TMCC1: variants seen among roughly 807,000 people sequenced by gnomAD.
The protein encoded by TMCC1 is transmembrane and coiled-coil domain family 1.
In TMCC1, 15 loss-of-function variants were observed where a neutral mutation model predicts 52.4. That is an observed-to-expected ratio of 0.29 (90% confidence interval 0.19 to 0.44). The LOEUF is 0.44. TMCC1 is among the 20% of genes least tolerant of loss of function. The pLI is 1.00. For synonymous variants in TMCC1, 279 were observed against 301.9 expected, an observed-to-expected ratio of 0.92 and a Z score of 0.79; for missense variants, 503 against 806.0, an observed-to-expected ratio of 0.62 and a Z score of 4.55.
intron 4 of TMCC1, among the ~76,000 whole-genome samples, chr3:129,738,179 G>A (rs2051138390): frequency 6.6e-6 from 1 of 151,374 alleles, no homozygotes; most frequent in Admixed American, 6.6e-5. Context: ...GCTGAGGCAG[G>A]GTAATCACTT....
intron 4 of TMCC1, among the ~76,000 whole-genome samples, chr3:129,706,210 ATTTTTAT>A (rs923923636): frequency 6.7e-5 from 10 of 149,702 alleles, no homozygotes. Context: ...TTTATTTTTT[ATTTTTAT>A]TTTTTGAGAT....
intron 4 of TMCC1, among the ~76,000 whole-genome samples, chr3:129,788,606 G>A (rs2107742462): frequency 6.6e-6 from 1 of 151,820 alleles, no homozygotes; most frequent in East Asian, 1.9e-4. Flanking sequence ...GGGACTACAG[G>A]CGCCCGCCAC....
At chr3:129,729,897 G>T (rs141047783) in intron 4 of TMCC1, among the ~76,000 whole-genome samples, 156 of 152,198 alleles carry the variant, frequency 1.0e-3, no homozygotes, top group African/African-American at 3.3e-3. Context: ...AATATTGAGC[G>T]GAGATGGGAG....
At chr3:129,786,065 G>T (rs1366502556) in intron 4 of TMCC1, among the ~76,000 whole-genome samples, 1 of 151,404 alleles carries the variant, frequency 6.6e-6, no homozygotes, top group Non-Finnish European at 1.5e-5. Flanking sequence ...CACCTGAACA[G>T]CTGGGATTAC....
intron 4 of TMCC1, among the ~76,000 whole-genome samples, chr3:129,791,687 A>C (rs779885371): frequency 2.0e-4 from 30 of 152,214 alleles, no homozygotes; most frequent in Non-Finnish European, 3.8e-4. Context: ...AGATAACTAT[A>C]AAGGAAGAAA....
chr3:129,836,454 C>G (rs970628198), intron 2 of TMCC1, among the ~76,000 whole-genome samples: 1 of 152,206 alleles, frequency 6.6e-6, no homozygotes, highest in South Asian at 2.1e-4. Flanking sequence ...TATGTTGAAC[C>G]CTAAGGCAAG....
intron 2 of TMCC1, among the ~76,000 whole-genome samples, chr3:129,841,344 T>C (rs1461354667): frequency 6.6e-6 from 1 of 152,216 alleles, no homozygotes; most frequent in Non-Finnish European, 1.5e-5. Flanking sequence ...CCCGGCACTT[T>C]GGGAGGCCAA....
chr3:129,813,358 T>C (rs2057926257), intron 4 of TMCC1, among the ~76,000 whole-genome samples: 1 of 152,166 alleles, frequency 6.6e-6, no homozygotes. Context: ...CACATGCACA[T>C]GTATGTTCAC....
chr3:129,821,512 G>C (rs938054197), intron 4 of TMCC1, among the ~76,000 whole-genome samples: 1 of 151,676 alleles, frequency 6.6e-6, no homozygotes, highest in African/African-American at 2.4e-5. Flanking sequence ...TCAACTACAT[G>C]GAAAAGATTC....
chr3:129,797,332 A>C (rs927263570), intron 4 of TMCC1, among the ~76,000 whole-genome samples: 9 of 151,756 alleles, frequency 5.9e-5, no homozygotes, highest in African/African-American at 1.7e-4. Flanking sequence ...TCTCAAACAA[A>C]AAAAAAAAAC....
intron 2 of TMCC1, among the ~76,000 whole-genome samples, chr3:129,868,720 G>T (rs1401900670): frequency 6.6e-6 from 1 of 152,182 alleles, no homozygotes; most frequent in Non-Finnish European, 1.5e-5. Flanking sequence ...GATTACAGGC[G>T]TGAGCCACTG....
At chr3:129,658,751 G>C (rs2086830247) in intron 5 of TMCC1, among the ~76,000 whole-genome samples, 1 of 152,184 alleles carries the variant, frequency 6.6e-6, no homozygotes, top group African/African-American at 2.4e-5. Context: ...TAGAAATAGG[G>C]AACTACTTCC....
intron 4 of TMCC1, among the ~76,000 whole-genome samples, chr3:129,725,684 AT>A (rs202212845): frequency 0.098 from 14,535 of 148,136 alleles, 813 homozygotes; most frequent in East Asian, 0.18. Context: ...TTGAACATTG[AT>A]TTTTTTTTTT....
chr3:129,681,179 A>C (rs1030199586), intron 4 of TMCC1, among the ~76,000 whole-genome samples: 1 of 152,160 alleles, frequency 6.6e-6, no homozygotes, highest in Non-Finnish European at 1.5e-5. Context: ...GAAAAAAGAA[A>C]TACCTGGTTT....
At chr3:129,783,677 C>T (rs2055728583) in intron 4 of TMCC1, among the ~76,000 whole-genome samples, 1 of 152,172 alleles carries the variant, frequency 6.6e-6, no homozygotes, top group African/African-American at 2.4e-5. Flanking sequence ...CAAGCATATT[C>T]ACATCCATTG....
At chr3:129,830,208 T>C (rs1198337452) in intron 3 of TMCC1, among the ~76,000 whole-genome samples, 2 of 152,216 alleles carry the variant, frequency 1.3e-5, no homozygotes, top group African/African-American at 4.8e-5. Context: ...TTCATATCTT[T>C]CCCTTTGGGA....
intron 4 of TMCC1, among the ~76,000 whole-genome samples, chr3:129,703,222 G>A (rs1286286979): frequency 2.6e-5 from 4 of 152,190 alleles, no homozygotes; most frequent in Non-Finnish European, 2.9e-5. Context: ...CATCTGACTC[G>A]AAGAGATGTA....
chr3:129,773,094 A>G (rs902774855), intron 4 of TMCC1, among the ~76,000 whole-genome samples: 1 of 152,252 alleles, frequency 6.6e-6, no homozygotes, highest in Non-Finnish European at 1.5e-5. Context: ...TGTAAACATA[A>G]AAGCCCAGAA....
At chr3:129,840,204 G>GT (rs1485949766) in intron 2 of TMCC1, among the ~76,000 whole-genome samples, 1 of 151,228 alleles carries the variant, frequency 6.6e-6, no homozygotes, top group Non-Finnish European at 1.5e-5. Flanking sequence ...GCATATGCCT[G>GT]TAAGTCCAGC....
Sources: gnomAD v4.1 joint callset for allele counts (sites outside exome capture counted in the v4.1 genomes callset) on GRCh38, gnomAD v4.1.1 for gene constraint, MANE v1.5 for transcripts, NCBI Gene and HGNC (gene_info 2026-07-23, HGNC 2026-07-21) for gene names.